The following MMP24 variants were observed in gnomAD, a reference collection of about 807,000 sequenced individuals.
MMP24 encodes the protein matrix metallopeptidase 24.
Under a neutral mutation model 62.8 loss-of-function variants are expected in MMP24, and 25 were observed. That is an observed-to-expected ratio of 0.40 (90% CI 0.29 to 0.56). MMP24 has a LOEUF of 0.56. Among genes scored for constraint, MMP24 ranks in the 20% least tolerant of loss-of-function variants. MMP24 has a pLI of 0.50. For synonymous variants in MMP24, 319 were observed against 350.5 expected, an observed-to-expected ratio of 0.91 and a Z score of 1.00; for missense variants, 634 against 853.6, an observed-to-expected ratio of 0.74 and a Z score of 3.21.
At chr20:35,247,801 A>G (rs2060523308) in intron 2 of MMP24, among the ~76,000 whole-genome samples, 1 of 152,176 alleles carries the variant, frequency 6.6e-6, no homozygotes, top group African/African-American at 2.4e-5. Context: ...AGTGACAAAG[A>G]GCTTGTTGTT....
chr20:35,244,398 GT>G (rs149479503), intron 1 of MMP24, among the ~76,000 whole-genome samples: 6,140 of 152,038 alleles, frequency 0.04, 372 homozygotes, highest in African/African-American at 0.13. Flanking sequence ...GTACTCTTGT[GT>G]CCCTGGGTCT....
At chr20:35,272,883 GAAGACA>G (rs1242999494) in intron 8 of MMP24, among the ~76,000 whole-genome samples, 1 of 152,178 alleles carries the variant, frequency 6.6e-6, no homozygotes, top group African/African-American at 2.4e-5. Context: ...GAGGATTAAA[GAAGACA>G]AATTATGTAG....
chr20:35,274,719 C>A lies in MMP24; in HGVS notation c.*110C>A. On this transcript the variant is annotated 3_prime_UTR_variant, in exon 9 of 9. Transcript: ENST00000246186. This position sits in a 1 kb window ranked among gnomAD's most constrained non-coding sequence, Gnocchi z 5.1. Reference sequence around the variant, plus strand: ...TCACCAGGGCCAGCAGGGCCCTAGGCTGGGGTCGTACAGCTGAAGTGGTGG... The same window carrying A: ...TCACCAGGGCCAGCAGGGCCCTAGGATGGGGTCGTACAGCTGAAGTGGTGG... 1 of 978,776 alleles carries A rather than the reference C, an allele frequency of 1.0e-6. No individual in the cohort carries two copies. The highest frequency in any genetic ancestry group is 1.6e-5 in the African/African-American group (1 of 61,054). 60.6% of individuals were successfully genotyped at this position (978,776 alleles called of 1,614,324 possible).
intron 2 of MMP24, among the ~76,000 whole-genome samples, chr20:35,248,527 C>T (rs566082546): frequency 4.4e-4 from 67 of 152,102 alleles, no homozygotes; most frequent in Admixed American, 1.7e-3. Flanking sequence ...AGGCTGGTCT[C>T]GAACTCCTGA....
intron 2 of MMP24, among the ~76,000 whole-genome samples, chr20:35,250,115 G>C (rs2060536860): frequency 6.6e-6 from 1 of 151,960 alleles, no homozygotes; most frequent in Admixed American, 6.6e-5. Context: ...ACCATGCCTG[G>C]CTAATTTTTT....
intron 4 of MMP24, among the ~76,000 whole-genome samples, chr20:35,259,561 G>A (rs781441994): frequency 7.2e-5 from 11 of 152,212 alleles, no homozygotes; most frequent in Admixed American, 5.9e-4. Flanking sequence ...CTTCCTGGAA[G>A]ACAGGCATGG....
intron 2 of MMP24, among the ~76,000 whole-genome samples, chr20:35,248,544 G>A (rs1176961408): frequency 2.6e-5 from 4 of 152,092 alleles, no homozygotes; most frequent in Non-Finnish European, 5.9e-5. Flanking sequence ...CTGACCTCAG[G>A]TGATCGGCCC....
intron 2 of MMP24, 67 bp downstream of exon 2, chr20:35,247,055 T>G: frequency 6.3e-7 from 1 of 1,579,758 alleles, no homozygotes; most frequent in Non-Finnish European, 8.7e-7. Context: ...ACATTTGTCA[T>G]GGCCTGTGTA....
rs2060639681 is a variant in MMP24, at chr20:35,267,141, T to C, written c.980-64T>C. ...TGTCTCAGAGCTGCCTGGGTGATGCTGAGACTGGCAATGGGAGGCGGGAAA... is the reference window on the plus strand; with the variant it reads ...TGTCTCAGAGCTGCCTGGGTGATGCCGAGACTGGCAATGGGAGGCGGGAAA... On this transcript the variant is annotated intron_variant, in intron 5 of 8. Transcript: ENST00000246186. 11 of 1,369,078 alleles carry C rather than the reference T, an allele frequency of 8.0e-6. No homozygotes were observed. The South Asian group carries it at 1.4e-4, about 18-fold the overall frequency. The allele number at this position is 1,369,078 out of a possible 1,614,324, so 84.8% of individuals were successfully genotyped here.
intron 1 of MMP24, among the ~76,000 whole-genome samples, chr20:35,234,416 A>C (rs2060452725): frequency 6.6e-6 from 1 of 152,202 alleles, no homozygotes; most frequent in Non-Finnish European, 1.5e-5. Flanking sequence ...TTCAAAGGGG[A>C]CTACAGGCAT....
chr20:35,269,687 C>T lies in MMP24; in HGVS notation c.1195-73C>T. 6.6e-7 allele frequency: 1 copy of T among 1,523,928 alleles called. No individual in the cohort carries two copies. The allele number at this position is 1,523,928 out of a possible 1,614,324, so 94.4% of individuals were successfully genotyped here. A position where few individuals can be genotyped will look rare whatever the true frequency, so the allele number is the denominator to read the frequency against. ...AGGGCTGGGCTGTTGGGACCTAAGC[C>T]CCACAGCTGCAATCACTGGGTTCGG... On this transcript the variant is annotated intron_variant, in intron 6 of 8. Transcript: ENST00000246186. This position sits in a 1 kb window ranked among gnomAD's most constrained non-coding sequence, Gnocchi z 4.6.
rs2060702701 is a variant in MMP24, at chr20:35,275,961, G to A, written c.*1352G>A. ...TGCCTTGCTCCACAGTACGGCGGAG[G>A]CAGCCCTGCTTGTCACTGAGGAGCC... On this transcript the variant is annotated 3_prime_UTR_variant, in exon 9 of 9. Coordinates refer to ENST00000246186, the MANE Select transcript of MMP24 (RefSeq NM_006690.4). The A allele has an allele frequency of 7.5e-6, 3 of 398,628 alleles. No individual in the cohort carries two copies. The highest frequency in any genetic ancestry group is 1.3e-5 in the Non-Finnish European group (3 of 226,090). The allele number at this position is 398,628 out of a possible 1,614,324, so 24.7% of individuals were successfully genotyped here.
chr20:35,246,812 G>C (rs778829570), intron 1 of MMP24, 28 bp from the exon 2 acceptor site: 15 of 1,611,994 alleles, frequency 9.3e-6, no homozygotes, highest in African/African-American at 6.7e-5. Context: ...CCAGCATAAC[G>C]CATCTTTTTC....
In MMP24 at chr20:35,267,220, C is replaced by T. The variant is rs1158004626; in HGVS notation, c.995C>T (p.Pro332Leu). Residue 332 changes from proline (P) to leucine (L), a missense_variant, in exon 6 of 9, where the codon CCT becomes CTT. This residue lies in a region of MMP24 where 399 missense variants were observed against 530.8 expected (regional missense o/e 0.75). Transcript: ENST00000246186. ...IQKIYGPPAE[P>L]LEPTRPLPTL... Reference sequence around the variant, plus strand: ...CTCTCTCCAGGACCCCCAGCCGAGCCTCTGGAGCCCACAAGGCCACTCCCT... The same window carrying T: ...CTCTCTCCAGGACCCCCAGCCGAGCTTCTGGAGCCCACAAGGCCACTCCCT... 1 of 1,598,388 alleles carries T rather than the reference C, an allele frequency of 6.3e-7. No individual in the cohort carries two copies. The highest frequency in any genetic ancestry group is 1.3e-5 in the African/African-American group (1 of 74,302).
chr20:35,253,903 CTT>C (rs11470552), intron 3 of MMP24, among the ~76,000 whole-genome samples: 5 of 139,164 alleles, frequency 3.6e-5, no homozygotes, highest in African/African-American at 1.2e-4. Context: ...GAGTCTCACT[CTT>C]GTTACCCAGG....
chr20:35,229,343 A>G (rs1313795033), intron 1 of MMP24, among the ~76,000 whole-genome samples: 1 of 152,230 alleles, frequency 6.6e-6, no homozygotes, highest in Admixed American at 6.5e-5. Flanking sequence ...TAAGTGAGAC[A>G]GGTCCCAGCA....
Position 35,274,139 on chromosome 20 carries a change from C to A in MMP24, c.1601-133C>A. ...CTTCTTACTCCATGACTCAGCCAAG[C>A]ACTGCACCCCAAACCTCCAGGTGTG... On this transcript the variant is annotated intron_variant, in intron 8 of 8. Coordinates refer to ENST00000246186, the MANE Select transcript of MMP24 (RefSeq NM_006690.4). This position sits in a 1 kb window ranked among gnomAD's most constrained non-coding sequence, Gnocchi z 5.1. The A allele has an allele frequency of 1.2e-6, 1 of 840,006 alleles. No homozygotes were observed. The highest frequency in any genetic ancestry group is 1.8e-6 in the Non-Finnish European group (1 of 543,012). The allele number at this position is 840,006 out of a possible 1,614,324, so 52.0% of individuals were successfully genotyped here. A position where few individuals can be genotyped will look rare whatever the true frequency, so the allele number is the denominator to read the frequency against.
chr20:35,247,697 A>G (rs558820941), intron 2 of MMP24, among the ~76,000 whole-genome samples: 1 of 152,268 alleles, frequency 6.6e-6, no homozygotes, highest in East Asian at 1.9e-4. Flanking sequence ...ATGTGATGCA[A>G]TGTCATGATG....
chr20:35,273,126 A>G (rs564894474), intron 8 of MMP24, among the ~76,000 whole-genome samples: 1 of 152,096 alleles, frequency 6.6e-6, no homozygotes, highest in Admixed American at 6.5e-5. Context: ...AACAGACGCT[A>G]TAAGGGAAAG....
Sources: gnomAD v4.1 joint callset for allele counts (sites outside exome capture counted in the v4.1 genomes callset) on GRCh38, gnomAD v4.1.1 for gene constraint, gnomAD v4.1.1 regional missense constraint, Gnocchi (gnomAD v3.1) non-coding constraint, MANE v1.5 for transcripts, NCBI Gene and HGNC (gene_info 2026-07-23, HGNC 2026-07-21) for gene names.